Variants in BICD1 observed in about 807,000 individuals in gnomAD.
BICD1 encodes BICD cargo adaptor 1, also known as protein bicaudal D homolog 1.
Under a neutral mutation model 92.5 loss-of-function variants are expected in BICD1, and 35 were observed. That is an observed-to-expected ratio of 0.38 (90% CI 0.29 to 0.50). BICD1 has a LOEUF of 0.50. Ranked by LOEUF, BICD1 falls within the 20% of genes least tolerant of loss-of-function variation. The pLI, the probability that BICD1 is intolerant of heterozygous loss-of-function variation, is 0.93. For missense variants in BICD1, 950 were observed against 1,189.8 expected (o/e 0.80, Z 2.97); for synonymous variants, 429 against 465.1 (o/e 0.92, Z 1.00).
chr12:32,248,827 G>C (rs1204294836), intron 2 of BICD1, among the ~76,000 whole-genome samples: 12 of 152,220 alleles, frequency 7.9e-5, no homozygotes, highest in Admixed American at 7.8e-4. Flanking sequence ...AAAGCAGGTT[G>C]TTGGCTGCCC....
chr12:32,274,940 T>TA (rs1487672647), intron 2 of BICD1, among the ~76,000 whole-genome samples: 2 of 152,202 alleles, frequency 1.3e-5, no homozygotes, highest in Non-Finnish European at 2.9e-5. Context: ...GCTAAAAGGT[T>TA]AAAAGAGTTT....
Position 32,305,800 on chromosome 12 carries a change from A to G in BICD1, c.683A>G (p.Glu228Gly), listed in dbSNP as rs1180260676. Residue 228 changes from glutamate (E) to glycine (G), a missense_variant, in exon 4 of 10, where the codon GAG (glutamate) becomes GGG (glycine). By Grantham distance (98) the Glu-to-Gly change is moderately conservative (BLOSUM62 -2). Transcript: ENST00000652176. ...GCCATCCGATTGAAAGAGATTGCTG[A>G]GCACCAACTGGAAGAAGCCCTCGAG... Reference protein sequence around the residue: ...EDAIRLKEIAEHQLEEALETL... With the variant: ...EDAIRLKEIAGHQLEEALETL... The G allele has an allele frequency of 1.9e-6, 3 of 1,614,216 alleles. No individual in the cohort carries two copies. The South Asian group carries it at 3.3e-5, about 18-fold the overall frequency.
At chr12:32,180,869 C>T (rs1944252103) in intron 1 of BICD1, among the ~76,000 whole-genome samples, 1 of 151,926 alleles carries the variant, frequency 6.6e-6, no homozygotes, top group Non-Finnish European at 1.5e-5. Flanking sequence ...TCACTCCTCG[C>T]CCATCTGTAT....
At chr12:32,235,607 G>A (rs1946043345) in intron 2 of BICD1, among the ~76,000 whole-genome samples, 1 of 151,590 alleles carries the variant, frequency 6.6e-6, no homozygotes, top group Non-Finnish European at 1.5e-5. Flanking sequence ...CATTGAGCAA[G>A]TCTACTGGGA....
chr12:32,327,984 C>T lies in BICD1; in HGVS notation c.1529C>T (p.Thr510Ile). 6.2e-7 allele frequency: 1 copy of T among 1,614,088 alleles called. No individual in the cohort carries two copies. Among genetic ancestry groups the T allele is most frequent in the African/African-American group, 1.3e-5 (1 of 75,014 alleles). The change falls in exon 5 of 10, where the codon ACA (threonine) becomes ATA (isoleucine). Residue 510 changes from threonine (T) to isoleucine (I), a missense_variant. This residue lies in a region of BICD1 where 309 missense variants were observed against 499.4 expected (regional missense o/e 0.62). Coordinates refer to ENST00000652176, the MANE Select transcript of BICD1 (RefSeq NM_001714.4). The part of the protein sequence containing the change: ...TLNTAQDELV[T>I]FSEELAQLYH... The stretch of plus-strand genomic sequence containing the variant: ...AATACGGCCCAGGATGAGTTAGTGA[C>T]ATTCAGTGAGGAGTTAGCTCAGCTT...
At chr12:32,284,737 A>G (rs534565183) in intron 2 of BICD1, among the ~76,000 whole-genome samples, 7 of 152,266 alleles carry the variant, frequency 4.6e-5, no homozygotes, top group African/African-American at 1.7e-4. Context: ...TTAAAAGTAG[A>G]ATTTCCTGCG....
chr12:32,264,344 T>C (rs1043016489), intron 2 of BICD1, among the ~76,000 whole-genome samples: 1 of 152,240 alleles, frequency 6.6e-6, no homozygotes, highest in Non-Finnish European at 1.5e-5. Flanking sequence ...TTCTTGCATA[T>C]TGTGTGCACT....
In BICD1 at chr12:32,107,369, A is replaced by G. The variant is rs1254678328; in HGVS notation, c.38A>G (p.Tyr13Cys). Residue 13 changes from tyrosine to cysteine, a missense_variant, in exon 1 of 10, where the codon TAT becomes TGT. Around this residue, in one of 5 missense-constraint regions of BICD1, gnomAD observed 202 missense variants for 205.3 expected, o/e 0.98. Transcript: ENST00000652176. ...GAGGTATTGCAGACGGTGGACCATT[A>G]TAAGACTGAGATAGAGAGGCTAACC... Reference protein sequence around the residue: ...AEEVLQTVDHYKTEIERLTKE... With the variant: ...AEEVLQTVDHCKTEIERLTKE... The G allele has an allele frequency of 5.6e-6, 9 of 1,610,304 alleles. No individual in the cohort carries two copies. Among genetic ancestry groups the G allele is most frequent in the South Asian group, 2.2e-5 (2 of 89,916 alleles).
intron 1 of BICD1, among the ~76,000 whole-genome samples, chr12:32,165,262 T>TCCCAG (rs1464154326): frequency 6.6e-6 from 1 of 152,192 alleles, no homozygotes; most frequent in African/African-American, 2.4e-5. Context: ...ATGCCTGTAA[T>TCCCAG]CCCAGCACTT....
intron 1 of BICD1, among the ~76,000 whole-genome samples, chr12:32,159,074 C>T (rs551220529): frequency 6.6e-6 from 1 of 152,228 alleles, no homozygotes; most frequent in East Asian, 1.9e-4. Context: ...GCTGGAATTA[C>T]AGTCGCGCAC....
intron 8 of BICD1, among the ~76,000 whole-genome samples, chr12:32,349,659 C>CTG (rs1938781408): frequency 1.3e-5 from 2 of 151,818 alleles, no homozygotes; most frequent in African/African-American, 4.8e-5. Context: ...TAACAGCATA[C>CTG]TATACCATAT....
At chr12:32,300,842 A>G (rs531761315) in intron 3 of BICD1, among the ~76,000 whole-genome samples, 7 of 151,146 alleles carry the variant, frequency 4.6e-5, no homozygotes, top group Non-Finnish European at 1.0e-4. Flanking sequence ...TAGTAGAGAC[A>G]GGGTTTCACT....
At chr12:32,333,573 G>GT (rs1248001719) in intron 5 of BICD1, among the ~76,000 whole-genome samples, 1 of 152,196 alleles carries the variant, frequency 6.6e-6, no homozygotes, top group Non-Finnish European at 1.5e-5. Context: ...TTCTCTGCTA[G>GT]TAATGGGGTT....
intron 9 of BICD1, among the ~76,000 whole-genome samples, chr12:32,372,792 G>A (rs138117528): frequency 7.2e-5 from 11 of 152,214 alleles, no homozygotes; most frequent in Admixed American, 2.6e-4. Context: ...TGGGAGGATC[G>A]TTTCAGCCTA....
intron 1 of BICD1, among the ~76,000 whole-genome samples, chr12:32,174,813 G>A (rs80054772): frequency 6.6e-6 from 1 of 151,590 alleles, no homozygotes; most frequent in East Asian, 1.9e-4. Context: ...TTTTTAAATC[G>A]CTTAAATCAT....
chr12:32,155,830 C>T (rs1943419737), intron 1 of BICD1, among the ~76,000 whole-genome samples: 1 of 152,072 alleles, frequency 6.6e-6, no homozygotes, highest in Non-Finnish European at 1.5e-5. Flanking sequence ...AAGTTATCTC[C>T]CCCTTTCTTA....
intron 4 of BICD1, among the ~76,000 whole-genome samples, chr12:32,324,060 G>A (rs1238800115): frequency 6.6e-6 from 1 of 152,168 alleles, no homozygotes; most frequent in African/African-American, 2.4e-5. Flanking sequence ...GCCGGGCGCG[G>A]TGGCTCACGC....
intron 2 of BICD1, among the ~76,000 whole-genome samples, chr12:32,266,654 C>T (rs202096281): frequency 2.1e-3 from 312 of 152,092 alleles, no homozygotes; most frequent in African/African-American, 7.2e-3. Flanking sequence ...GTCAGGAGTT[C>T]GAGACCAGCC....
chr12:32,332,867 T>C (rs1367770035), intron 5 of BICD1: 2 of 985,274 alleles, frequency 2.0e-6, no homozygotes. Context: ...TAAGACTTTT[T>C]TTATTTAGAA....
Sources: allele counts gnomAD v4.1 joint callset (sites outside exome capture counted in the v4.1 genomes callset), GRCh38; gene constraint gnomAD v4.1.1; regional missense constraint gnomAD v4.1.1; transcripts MANE v1.5; gene names NCBI Gene and HGNC (gene_info 2026-07-23, HGNC 2026-07-21).